Variants in DCC observed in about 807,000 individuals in gnomAD.
DCC encodes the protein DCC netrin 1 receptor, also known as netrin receptor DCC.
Under a neutral mutation model 172.5 loss-of-function variants are expected in DCC, and 58 were observed. The ratio of observed to expected loss-of-function variants is 0.34; its 90% CI spans 0.27 to 0.42. The LOEUF (loss-of-function observed/expected upper bound fraction) is 0.42, where lower values mean the gene tolerates loss of function less well. Among genes scored for constraint, DCC ranks in the 10% least tolerant of loss-of-function variants. The pLI, the probability that DCC is intolerant of heterozygous loss-of-function variation, is 1.00. For missense variants in DCC, 1,740 were observed against 1,791.0 expected (o/e 0.97, Z 0.51); for synonymous variants, 709 against 644.5 (o/e 1.10, Z -1.52).
At chr18:52,521,956 C>G (rs919473461) in intron 1 of DCC, among the ~76,000 whole-genome samples, 9 of 152,182 alleles carry the variant, frequency 5.9e-5, no homozygotes, top group East Asian at 3.9e-4. Context: ...CAAAATCTAT[C>G]AAGCCTAAAA....
chr18:53,128,118 T>C (rs769887549), intron 7 of DCC, among the ~76,000 whole-genome samples: 5 of 152,150 alleles, frequency 3.3e-5, no homozygotes, highest in Non-Finnish European at 7.4e-5. Context: ...GTTAAACTTA[T>C]TAATGAATAA....
chr18:52,589,081 T>C (rs1006680735), intron 1 of DCC, among the ~76,000 whole-genome samples: 1 of 152,170 alleles, frequency 6.6e-6, no homozygotes, highest in African/African-American at 2.4e-5. Flanking sequence ...GGGTTTTAGT[T>C]CAAATGATCT....
chr18:52,624,574 T>C (rs959784805), intron 1 of DCC, among the ~76,000 whole-genome samples: 5 of 152,198 alleles, frequency 3.3e-5, no homozygotes, highest in African/African-American at 1.2e-4. Context: ...GGTATTACAA[T>C]CACATTTGTT....
At chr18:53,221,603 C>T (rs553212173) in intron 12 of DCC, among the ~76,000 whole-genome samples, 27 of 152,222 alleles carry the variant, frequency 1.8e-4, no homozygotes, top group Non-Finnish European at 3.2e-4. Context: ...AAGATGAGTT[C>T]TACCCAATTA....
Position 52,923,837 on chromosome 18 carries a change from C to G in DCC, c.828C>G (p.Gly276=). Residue 276 remains glycine (G), a synonymous_variant, in exon 4 of 29, where the codon GGC becomes GGG. Transcript: ENST00000442544. The part of the protein sequence containing the change: ...YPPPSFTWLR[G]EEVIQLRSKK... ...CACCAAGTTTTACCTGGTTACGAGG[C>G]GAGGAAGTCATCCAACTCAGGTATT... 6.2e-7 allele frequency: 1 copy of G among 1,613,214 alleles called. No individual in the cohort carries two copies. Among genetic ancestry groups the G allele is most frequent in the Non-Finnish European group, 8.5e-7 (1 of 1,179,462 alleles).
At chr18:53,514,940 C>T (rs1390406836) in intron 27 of DCC, among the ~76,000 whole-genome samples, 2 of 151,102 alleles carry the variant, frequency 1.3e-5, no homozygotes, top group African/African-American at 4.9e-5. Flanking sequence ...TCCTCCCTAA[C>T]TCATTTTATG....
chr18:53,323,460 G>T (rs939238340), intron 14 of DCC, among the ~76,000 whole-genome samples: 1 of 152,176 alleles, frequency 6.6e-6, no homozygotes, highest in African/African-American at 2.4e-5. Context: ...TAAGCATCAG[G>T]CACCATGCTG....
chr18:53,402,993 G>A, intron 19 of DCC, 100 bp downstream of exon 19: 1 of 849,294 alleles, frequency 1.2e-6, no homozygotes, highest in Non-Finnish European at 2.1e-6. Context: ...GCATTATTCT[G>A]TCCCTACATC....
At chr18:52,351,980 T>C (rs535151660) in intron 1 of DCC, among the ~76,000 whole-genome samples, 1 of 152,260 alleles carries the variant, frequency 6.6e-6, no homozygotes, top group East Asian at 1.9e-4. Flanking sequence ...CTGTGGTCTT[T>C]GGTCTCGATA....
intron 12 of DCC, among the ~76,000 whole-genome samples, chr18:53,249,493 TA>T (rs2056403506): frequency 6.6e-6 from 1 of 151,730 alleles, no homozygotes; most frequent in Admixed American, 6.6e-5. Context: ...ATGAAAAAAA[TA>T]GGGATTAAAA....
At chr18:53,392,454 C>T (rs1021393621) in intron 17 of DCC, among the ~76,000 whole-genome samples, 26 of 152,100 alleles carry the variant, frequency 1.7e-4, no homozygotes, top group African/African-American at 6.0e-4. Flanking sequence ...ATGAATTCAC[C>T]AGCTCTCTGT....
chr18:52,841,483 C>T (rs368301111), intron 2 of DCC, among the ~76,000 whole-genome samples: 15 of 152,130 alleles, frequency 9.9e-5, no homozygotes, highest in Non-Finnish European at 1.6e-4. Context: ...TTGGCTCCTG[C>T]TTTTAGATAA....
intron 1 of DCC, among the ~76,000 whole-genome samples, chr18:52,480,688 T>A (rs1462957955): frequency 6.6e-6 from 1 of 152,092 alleles, no homozygotes; most frequent in Non-Finnish European, 1.5e-5. Flanking sequence ...GCAAGAAAGG[T>A]GTCTTTGTGT....
At chr18:53,076,706 T>C (rs1334032972) in intron 7 of DCC, among the ~76,000 whole-genome samples, 30 of 152,146 alleles carry the variant, frequency 2.0e-4, no homozygotes, top group Non-Finnish European at 1.5e-5. Context: ...CCAGAATATG[T>C]GTTTATTTCA....
intron 15 of DCC, among the ~76,000 whole-genome samples, chr18:53,354,158 A>G (rs531299963): frequency 3.3e-5 from 5 of 152,144 alleles, no homozygotes; most frequent in Non-Finnish European, 7.3e-5. Flanking sequence ...AATCCATTCT[A>G]TCATTGATGG....
At chr18:52,530,795 T>A (rs2032127594) in intron 1 of DCC, among the ~76,000 whole-genome samples, 1 of 152,154 alleles carries the variant, frequency 6.6e-6, no homozygotes, top group African/African-American at 2.4e-5. Flanking sequence ...CAGAGAGAGA[T>A]TGTTTCCTTA....
At chr18:53,469,743 TC>T (rs1046889611) in intron 25 of DCC, among the ~76,000 whole-genome samples, 20 of 152,130 alleles carry the variant, frequency 1.3e-4, no homozygotes, top group African/African-American at 4.6e-4. Flanking sequence ...CAATGCCACT[TC>T]CCCCTCCAAT....
chr18:53,288,076 A>ACAAAG (rs2056957237), intron 12 of DCC, among the ~76,000 whole-genome samples: 1 of 152,108 alleles, frequency 6.6e-6, no homozygotes, highest in South Asian at 2.1e-4. Context: ...CTATTGCCTG[A>ACAAAG]TTTTAAGGTA....
chr18:52,736,341 C>T (rs550090881), intron 1 of DCC, among the ~76,000 whole-genome samples: 2 of 151,660 alleles, frequency 1.3e-5, no homozygotes, highest in Admixed American at 6.6e-5. Flanking sequence ...AAACCCTCAG[C>T]AAATCTTTGG....
Sources: allele counts gnomAD v4.1 joint callset (sites outside exome capture counted in the v4.1 genomes callset), GRCh38; gene constraint gnomAD v4.1.1; transcripts MANE v1.5; gene names NCBI Gene and HGNC (gene_info 2026-07-23, HGNC 2026-07-21).